TRDN: variants seen among roughly 807,000 people sequenced by gnomAD.
TRDN encodes the protein triadin in skeletal muscle.
Under a neutral mutation model 149.7 loss-of-function variants are expected in TRDN, and 161 were observed. The observed-to-expected ratio is 1.08, with a 90% CI of 0.95 to 1.23. The LOEUF (loss-of-function observed/expected upper bound fraction) is 1.23, where lower values mean the gene tolerates loss of function less well. Ranked by LOEUF, TRDN falls within the 50% of genes most tolerant of loss-of-function variation. The probability of loss-of-function intolerance (pLI) is 0.00; values close to 1 mark genes in which losing one functional copy is unlikely to be tolerated. For synonymous variants in TRDN, 294 were observed against 250.5 expected (o/e 1.17, Z -1.64); for missense variants, 896 against 823.5 (o/e 1.09, Z -1.08).
At chr6:123,351,469 A>C in intron 21 of TRDN, 1 of 984,148 alleles carries the variant, frequency 1.0e-6, no homozygotes, top group Non-Finnish European at 1.2e-6. Flanking sequence ...AACCAACAGA[A>C]ACATCTACTG....
chr6:123,389,841 A>C (rs564732188), intron 13 of TRDN, among the ~76,000 whole-genome samples: 110 of 152,276 alleles, frequency 7.2e-4, no homozygotes, highest in Middle Eastern at 3.4e-3. Context: ...CCAATGATAT[A>C]ATAAGGATAA....
chr6:123,241,407 G>A (rs1775984449), intron 38 of TRDN, among the ~76,000 whole-genome samples: 1 of 151,302 alleles, frequency 6.6e-6, no homozygotes. Flanking sequence ...TTATATCTAT[G>A]AAATCTGTAT....
chr6:123,449,993 A>C (rs12201502), intron 10 of TRDN, among the ~76,000 whole-genome samples: 22,953 of 152,120 alleles, frequency 0.15, 2,245 homozygotes, highest in African/African-American at 0.28. Flanking sequence ...AGGAAAGATG[A>C]AGTCTTTTTC....
At chr6:123,455,288 T>C (rs1776042333) in intron 10 of TRDN, among the ~76,000 whole-genome samples, 1 of 152,042 alleles carries the variant, frequency 6.6e-6, no homozygotes, top group Non-Finnish European at 1.5e-5. Flanking sequence ...TTGAAAATGA[T>C]AAAGCTTTTT....
At chr6:123,578,968 T>C (rs935916015) in intron 1 of TRDN, among the ~76,000 whole-genome samples, 1 of 152,172 alleles carries the variant, frequency 6.6e-6, no homozygotes, top group African/African-American at 2.4e-5. Flanking sequence ...TGTTGGTGTA[T>C]AGGAATGCTA....
intron 38 of TRDN, among the ~76,000 whole-genome samples, chr6:123,226,972 A>G (rs751908025): frequency 6.6e-6 from 1 of 151,876 alleles, no homozygotes; most frequent in Non-Finnish European, 1.5e-5. Flanking sequence ...AACAATATGA[A>G]AAAAGGCTAG....
chr6:123,586,755 C>T (rs544635031), intron 1 of TRDN, among the ~76,000 whole-genome samples: 20 of 151,816 alleles, frequency 1.3e-4, no homozygotes, highest in African/African-American at 4.6e-4. Context: ...TGGAAGGTTG[C>T]CCATAGTGAA....
intron 15 of TRDN, 75 bp from the exon 16 acceptor site, chr6:123,381,465 A>G: frequency 7.1e-7 from 1 of 1,403,762 alleles, no homozygotes. Context: ...TATTGATTAG[A>G]CTGTAATTTT....
intron 20 of TRDN, among the ~76,000 whole-genome samples, chr6:123,353,886 C>G (rs1229733602): frequency 6.6e-6 from 1 of 151,750 alleles, no homozygotes; most frequent in East Asian, 1.9e-4. Context: ...ATGAACCTCA[C>G]AGATCACACC....
At chr6:123,419,388 TG>T (rs1773800026) in intron 12 of TRDN, among the ~76,000 whole-genome samples, 1 of 152,174 alleles carries the variant, frequency 6.6e-6, no homozygotes, top group Non-Finnish European at 1.5e-5. Context: ...ATTTATTTTT[TG>T]TTTTAGAGAC....
intron 1 of TRDN, among the ~76,000 whole-genome samples, chr6:123,587,613 G>GGT (rs1562409525): frequency 6.6e-6 from 1 of 151,918 alleles, no homozygotes. Context: ...AATTTCATGT[G>GGT]CGTCCGTGTG....
At chr6:123,343,402 C>T (rs970152114) in intron 21 of TRDN, among the ~76,000 whole-genome samples, 2 of 151,616 alleles carry the variant, frequency 1.3e-5, no homozygotes, top group African/African-American at 4.8e-5. Context: ...TATGTGGGAT[C>T]TCAAGAATCA....
chr6:123,301,320 A>G (rs1447746598), intron 24 of TRDN, among the ~76,000 whole-genome samples: 3 of 151,958 alleles, frequency 2.0e-5, no homozygotes, highest in African/African-American at 7.2e-5. Context: ...GTAAAAGATA[A>G]CTATCTGTGA....
At chr6:123,385,534 T>G (rs1489866433) in intron 14 of TRDN, among the ~76,000 whole-genome samples, 1 of 152,146 alleles carries the variant, frequency 6.6e-6, no homozygotes, top group Non-Finnish European at 1.5e-5. Context: ...GTATCCTATC[T>G]CCTTTGTGGA....
chr6:123,586,197 T>A (rs200729145), intron 1 of TRDN, among the ~76,000 whole-genome samples: 1 of 152,096 alleles, frequency 6.6e-6, no homozygotes, highest in Non-Finnish European at 1.5e-5. Flanking sequence ...AGCCACCTTT[T>A]TAAGAGTAAA....
At chr6:123,323,344 C>T (rs1213968547) in intron 23 of TRDN, among the ~76,000 whole-genome samples, 2 of 152,198 alleles carry the variant, frequency 1.3e-5, no homozygotes, top group South Asian at 2.1e-4. Flanking sequence ...AAGCAAGAGC[C>T]TCAAACTACT....
In TRDN at chr6:123,278,993, AT is replaced by A. The variant is rs1463772791; in HGVS notation, c.1537+62del. 4.9e-6 allele frequency: 7 copies of A among 1,426,434 alleles called. No homozygotes were observed. The Admixed American group carries it at 1.5e-4, about 31-fold the overall frequency. 88.4% of individuals were successfully genotyped at this position (1,426,434 alleles called of 1,614,324 possible). A position where few individuals can be genotyped will look rare whatever the true frequency, so the allele number is the denominator to read the frequency against. ...AGATAAATAACAGCATGCATTTAAGATTTGTTTTATGTATGTATGTACATAT... is the reference window on the plus strand; with the variant it reads ...AGATAAATAACAGCATGCATTTAAGATTGTTTTATGTATGTATGTACATAT... On this transcript the variant is annotated intron_variant, in intron 25 of 40. Transcript: ENST00000334268.
At chr6:123,465,589 A>G (rs1402634057) in intron 9 of TRDN, among the ~76,000 whole-genome samples, 3 of 143,582 alleles carry the variant, frequency 2.1e-5, no homozygotes, top group East Asian at 2.0e-4. Context: ...CTGCAAAAAA[A>G]AAAAAAAAAA....
chr6:123,553,820 C>T (rs1486140757), intron 2 of TRDN, among the ~76,000 whole-genome samples: 1 of 152,162 alleles, frequency 6.6e-6, no homozygotes, highest in African/African-American at 2.4e-5. Context: ...ATTCAATTAT[C>T]TCCCACTGGG....
Sources: gnomAD v4.1 joint callset for allele counts (sites outside exome capture counted in the v4.1 genomes callset) on GRCh38, gnomAD v4.1.1 for gene constraint, MANE v1.5 for transcripts, NCBI Gene and HGNC (gene_info 2026-07-23, HGNC 2026-07-21) for gene names.